The following SEPTIN9 variants were observed in gnomAD, a reference collection of about 807,000 sequenced individuals.
SEPTIN9 encodes septin 9.
In SEPTIN9, 13 loss-of-function variants were observed where a neutral mutation model predicts 56.6. The ratio of observed to expected loss-of-function variants is 0.23; its 90% CI spans 0.15 to 0.37. The LOEUF (loss-of-function observed/expected upper bound fraction) is 0.37. SEPTIN9 is among the 10% of genes least tolerant of loss of function. SEPTIN9 has a pLI of 1.00. For missense variants in SEPTIN9, 650 were observed against 823.1 expected (o/e 0.79, Z 2.57); for synonymous variants, 332 against 334.1 (o/e 0.99, Z 0.07).
At chr17:77,457,199 T>C (rs1178206159) in intron 3 of SEPTIN9, among the ~76,000 whole-genome samples, 2 of 152,170 alleles carry the variant, frequency 1.3e-5, no homozygotes, top group African/African-American at 4.8e-5. Flanking sequence ...CAGGGTCACC[T>C]GCTTGCATCC....
rs905464024 is a variant in SEPTIN9, at chr17:77,456,096, C to T, written c.722-26048C>T. On this transcript the variant is annotated intron_variant, in intron 3 of 11. Transcript: ENST00000427177. The surrounding 1 kb of genome is among the most constrained non-coding windows in gnomAD (Gnocchi z 6.0). The stretch of plus-strand genomic sequence containing the variant: ...TGCTGGGGCCGGAGGAAACACTGCC[C>T]GTGGCCGGTGTCATCTGCCAGCCCT... Among the ~76,000 whole-genome samples, 1 of 147,234 alleles carries T rather than the reference C, an allele frequency of 6.8e-6. No homozygotes were observed. The highest frequency in any genetic ancestry group is 1.5e-5 in the Non-Finnish European group (1 of 66,846).
chr17:77,366,706 T>C (rs1411990373), intron 2 of SEPTIN9, among the ~76,000 whole-genome samples: 1 of 152,096 alleles, frequency 6.6e-6, no homozygotes, highest in Non-Finnish European at 1.5e-5. Flanking sequence ...CAACAGAAGG[T>C]CCAGGCAGTG....
rs752500912 is a variant in SEPTIN9 at position 77,498,627 on chromosome 17, A to T, written c.1730A>T (p.Glu577Val). 1.2e-6 allele frequency: 2 copies of T among 1,609,604 alleles called. No individual in the cohort carries two copies. Among genetic ancestry groups the T allele is most frequent in the Admixed American group, 1.7e-5 (1 of 59,828 alleles). ...AGCAGCGCCATGGCCAACGGCATGG[A>T]GGAGAAGGAGCCAGAAGCCCCGGAG... ...EGSSAMANGMEEKEPEAPEM is the reference protein window; with the variant it reads ...EGSSAMANGMVEKEPEAPEM Residue 577 changes from glutamate to valine, a missense_variant, in exon 12 of 12, where the codon GAG becomes GTG. Coordinates refer to ENST00000427177, the MANE Select transcript of SEPTIN9 (RefSeq NM_001113491.2).
At chr17:77,452,206 C>G (rs935768396) in intron 3 of SEPTIN9, among the ~76,000 whole-genome samples, 1 of 152,226 alleles carries the variant, frequency 6.6e-6, no homozygotes, top group Non-Finnish European at 1.5e-5. Context: ...GTCGGCCATG[C>G]AGAGGCATGT....
chr17:77,391,025 G>T (rs991395982), intron 2 of SEPTIN9, among the ~76,000 whole-genome samples: 1 of 152,214 alleles, frequency 6.6e-6, no homozygotes, highest in Non-Finnish European at 1.5e-5. Flanking sequence ...GCAGGAGAAG[G>T]GCCGGCGGAG....
chr17:77,356,670 C>CCCCCTCCCCTCCCCCTCCCCT (rs1568011528), intron 2 of SEPTIN9, among the ~76,000 whole-genome samples: 1 of 5,770 alleles, frequency 1.7e-4, no homozygotes, highest in Admixed American at 1.8e-3. Context: ...TGCTTTCCCT[C>CCCCCTCCCCTCCCCCTCCCCT]CCCCTCCCCT....
chr17:77,299,111 C>T (rs2031931883), intron 1 of SEPTIN9, among the ~76,000 whole-genome samples: 1 of 152,214 alleles, frequency 6.6e-6, no homozygotes, highest in Admixed American at 6.5e-5. Flanking sequence ...AGCTGAGGCT[C>T]AGGAGAAGGG....
At chr17:77,478,618 C>T (rs1473030425) in intron 3 of SEPTIN9, among the ~76,000 whole-genome samples, 1 of 152,018 alleles carries the variant, frequency 6.6e-6, no homozygotes, top group Non-Finnish European at 1.5e-5. Flanking sequence ...ACCAGCCTGA[C>T]CAGCATGGAG....
intron 2 of SEPTIN9, among the ~76,000 whole-genome samples, chr17:77,337,182 A>T (rs1387063955): frequency 1.3e-5 from 2 of 151,718 alleles, no homozygotes; most frequent in East Asian, 3.9e-4. Context: ...TAATTTTTAA[A>T]ATTTTTTGTA....
chr17:77,290,631 T>C (rs2031501689), intron 1 of SEPTIN9, among the ~76,000 whole-genome samples: 1 of 151,106 alleles, frequency 6.6e-6, no homozygotes, highest in South Asian at 2.1e-4. Context: ...ATCGAGACCA[T>C]GGTGAAACCC....
intron 3 of SEPTIN9, among the ~76,000 whole-genome samples, chr17:77,403,226 C>T (rs1568041468): frequency 6.6e-6 from 1 of 152,136 alleles, no homozygotes; most frequent in Admixed American, 6.5e-5. Flanking sequence ...CTGAGGCTTG[C>T]ATTGGAGCCC....
intron 2 of SEPTIN9, among the ~76,000 whole-genome samples, chr17:77,388,776 T>A (rs1168177468): frequency 6.9e-6 from 1 of 143,964 alleles, no homozygotes; most frequent in African/African-American, 2.6e-5. Context: ...TAATGGAGGC[T>A]CCACCTGGGC....
At position 77,408,531 on chromosome 17, in the gene SEPTIN9, G is replaced by A. The variant is rs539232622; in HGVS notation, c.721+5828G>A. On this transcript the variant is annotated intron_variant, in intron 3 of 11. Coordinates refer to ENST00000427177, the MANE Select transcript of SEPTIN9 (RefSeq NM_001113491.2). ...TGTGTTCCAGGGGCAGAACAGGGAG[G>A]AATCTCAGCACAGACAGCAGGGCTG... Among the ~76,000 whole-genome samples the A allele has an allele frequency of 2.1e-4, 32 of 152,324 alleles. No individual in the cohort carries two copies. The South Asian group carries it at 6.4e-3, about 31-fold the overall frequency.
At chr17:77,299,388 G>C (rs147683280) in intron 1 of SEPTIN9, among the ~76,000 whole-genome samples, 1 of 152,260 alleles carries the variant, frequency 6.6e-6, no homozygotes, top group African/African-American at 2.4e-5. Context: ...CAACAGACTT[G>C]GGATATACTT....
rs1412891569 is a variant in SEPTIN9 at position 77,310,658 on chromosome 17, C to T, written c.76+3461C>T. ...TCTAGATGTTACCACCACGCCCTCC[C>T]GAGTGGCCTTCTGGTAGGCTCTCCC... is the stretch of plus-strand genomic sequence containing the variant. On this transcript the variant is annotated intron_variant, in intron 2 of 11. Transcript: ENST00000427177. The surrounding 1 kb of genome is among the most constrained non-coding windows in gnomAD (Gnocchi z 4.7). Among the ~76,000 whole-genome samples, 1 of 152,200 alleles carries T rather than the reference C, an allele frequency of 6.6e-6. No individual in the cohort carries two copies. The highest frequency in any genetic ancestry group is 2.4e-5 in the African/African-American group (1 of 41,442).
At chr17:77,471,701 G>C (rs1293226582) in intron 3 of SEPTIN9, among the ~76,000 whole-genome samples, 1 of 152,208 alleles carries the variant, frequency 6.6e-6, no homozygotes, top group African/African-American at 2.4e-5. Flanking sequence ...ACCCACCCAC[G>C]GGGGAACTTT....
chr17:77,302,331 A>G (rs68188600), intron 1 of SEPTIN9, among the ~76,000 whole-genome samples: 18,678 of 151,866 alleles, frequency 0.12, 1,266 homozygotes, highest in Non-Finnish European at 0.16. Flanking sequence ...TTCATGCTCT[A>G]TGTCTTTCTT....
intron 2 of SEPTIN9, among the ~76,000 whole-genome samples, chr17:77,390,046 C>T (rs1226972788): frequency 6.6e-6 from 1 of 152,166 alleles, no homozygotes; most frequent in Non-Finnish European, 1.5e-5. Flanking sequence ...GAGAGGCCTT[C>T]GTCCCGGATC....
chr17:77,320,209 A>AGAG lies in SEPTIN9; in HGVS notation c.76+13035_76+13037dup, dbSNP rs372287642. ...ATTAGACCAGACAAAGAGTGTTTTT[A>AGAG]GAGGAGGAGGAGGAGGAGGAGGAGG... On this transcript the variant is annotated intron_variant, in intron 2 of 11. Coordinates refer to ENST00000427177, the MANE Select transcript of SEPTIN9 (RefSeq NM_001113491.2). The AGAG allele has an allele frequency of 2.1e-3, 3,316 of 1,602,818 alleles. 37 individuals are homozygous for AGAG. The South Asian group carries it at 0.021, about 10-fold the overall frequency.
Sources: gnomAD v4.1 joint callset for allele counts (sites outside exome capture counted in the v4.1 genomes callset) on GRCh38, gnomAD v4.1.1 for gene constraint, Gnocchi (gnomAD v3.1) non-coding constraint, MANE v1.5 for transcripts, NCBI Gene and HGNC (gene_info 2026-07-23, HGNC 2026-07-21) for gene names.